Variants in EEA1 observed in about 807,000 individuals in gnomAD.
EEA1 encodes early endosome antigen 1, also known as early endosome antigen 1, 162kD.
A neutral mutation model predicts 209.2 loss-of-function variants in EEA1; 111 were observed. The observed-to-expected ratio is 0.53, with a 90% CI of 0.45 to 0.62. The LOEUF (loss-of-function observed/expected upper bound fraction) is 0.62, where lower values mean the gene tolerates loss of function less well. Among genes scored for constraint, EEA1 ranks in the 20% least tolerant of loss-of-function variants. The pLI is 0.00. For missense variants in EEA1, 1,343 were observed against 1,530.8 expected, an observed-to-expected ratio of 0.88 and a Z score of 2.05; for synonymous variants, 536 against 540.6, an observed-to-expected ratio of 0.99 and a Z score of 0.12.
rs141164854 is a variant in EEA1, at chr12:92,773,395, A to G, written c.*2616T>C. 6.6e-6 allele frequency: 1 copy of G among 152,188 alleles called. No homozygotes were observed. Among genetic ancestry groups the G allele is most frequent in the East Asian group, 1.9e-4 (1 of 5,196 alleles). 9.4% of individuals were successfully genotyped at this position (152,188 alleles called of 1,614,324 possible). Reference sequence around the variant, plus strand: ...TATTAAAGTAGATAATTCCACATTAAGAGGTAGTTGAACAAAATGTTATTT... The same window carrying G: ...TATTAAAGTAGATAATTCCACATTAGGAGGTAGTTGAACAAAATGTTATTT... On this transcript the variant is annotated 3_prime_UTR_variant, in exon 29 of 29. Transcript: ENST00000322349.
chr12:92,908,617 TA>T (rs36071627), intron 1 of EEA1, among the ~76,000 whole-genome samples: 1 of 151,584 alleles, frequency 6.6e-6, no homozygotes, highest in African/African-American at 2.4e-5. Context: ...AAAAAATTGC[TA>T]AAAAAAGAAA....
At chr12:92,900,225 C>G (rs928563912) in intron 1 of EEA1, among the ~76,000 whole-genome samples, 12 of 152,154 alleles carry the variant, frequency 7.9e-5, no homozygotes, top group African/African-American at 2.9e-4. Flanking sequence ...AGGAGATATA[C>G]TCATTTCAGA....
At chr12:92,857,379 G>T in intron 4 of EEA1, 39 bp from the exon 5 acceptor site, 1 of 1,559,312 alleles carries the variant, frequency 6.4e-7, no homozygotes, top group Non-Finnish European at 8.7e-7. Flanking sequence ...TTTAAAAAGA[G>T]GTATTATCTG....
intron 1 of EEA1, among the ~76,000 whole-genome samples, chr12:92,903,320 G>A (rs373275835): frequency 3.3e-5 from 5 of 151,824 alleles, no homozygotes; most frequent in Non-Finnish European, 5.9e-5. Context: ...GAATGCAGTC[G>A]GAAGCGGTAG....
chr12:92,799,845 G>C (rs1874823099), intron 20 of EEA1, among the ~76,000 whole-genome samples: 1 of 152,046 alleles, frequency 6.6e-6, no homozygotes, highest in Non-Finnish European at 1.5e-5. Flanking sequence ...ATTGGCCACA[G>C]TTGTCGCAAA....
intron 2 of EEA1, chr12:92,883,663 C>G (rs1879257472): frequency 1.6e-6 from 1 of 638,458 alleles, no homozygotes; most frequent in Non-Finnish European, 2.8e-6. Flanking sequence ...TTTCTTTTCT[C>G]TATCTTACTT....
chr12:92,866,159 T>C, intron 2 of EEA1, among the ~76,000 whole-genome samples: 1 of 117,078 alleles, frequency 8.5e-6, no homozygotes, highest in African/African-American at 3.4e-5. Flanking sequence ...GTCACTGTAC[T>C]CCAGCCTGGG....
At chr12:92,796,690 A>G (rs1237811871) in intron 21 of EEA1, among the ~76,000 whole-genome samples, 2 of 152,084 alleles carry the variant, frequency 1.3e-5, no homozygotes, top group South Asian at 2.1e-4. Flanking sequence ...TCCCTACTTC[A>G]CCATGGGCCA....
At chr12:92,874,768 G>A (rs948016892) in intron 2 of EEA1, among the ~76,000 whole-genome samples, 12 of 152,144 alleles carry the variant, frequency 7.9e-5, no homozygotes, top group Admixed American at 4.6e-4. Flanking sequence ...GTATTTACTT[G>A]CTGGTATTCT....
At chr12:92,853,741 T>C (rs1877738611) in intron 6 of EEA1, among the ~76,000 whole-genome samples, 174 bp downstream of exon 6, 1 of 152,196 alleles carries the variant, frequency 6.6e-6, no homozygotes, top group Admixed American at 6.5e-5. Context: ...GATTAAATTA[T>C]GAAGTTCACA....
intron 5 of EEA1, 133 bp from the exon 6 acceptor site, chr12:92,854,087 T>A (rs1041725048): frequency 3.2e-6 from 2 of 630,936 alleles, no homozygotes; most frequent in Middle Eastern, 4.6e-4. Flanking sequence ...AAAATTTAAA[T>A]TTGGTGGTTT....
At chr12:92,911,863 AAC>A (rs1247166357) in intron 1 of EEA1, among the ~76,000 whole-genome samples, 1 of 152,234 alleles carries the variant, frequency 6.6e-6, no homozygotes, top group Non-Finnish European at 1.5e-5. Flanking sequence ...ATCAAAAGAA[AAC>A]TAAGAAAACC....
chr12:92,827,855 T>C, intron 12 of EEA1, 57 bp downstream of exon 12: 2 of 1,432,738 alleles, frequency 1.4e-6, no homozygotes, highest in South Asian at 3.3e-5. Context: ...GATTGATGAA[T>C]CATAATCATG....
intron 10 of EEA1, among the ~76,000 whole-genome samples, chr12:92,840,146 TTATTA>T (rs1187285759): frequency 6.6e-6 from 1 of 152,178 alleles, no homozygotes; most frequent in African/African-American, 2.4e-5. Context: ...GACTTTTTCC[TTATTA>T]TATTTCACGA....
At chr12:92,928,808 G>C (rs964989454) in intron 1 of EEA1, among the ~76,000 whole-genome samples, 1 of 151,112 alleles carries the variant, frequency 6.6e-6, no homozygotes, top group African/African-American at 2.4e-5. Flanking sequence ...CCCCGCGCCG[G>C]AGCGGGCGCC....
intron 1 of EEA1, among the ~76,000 whole-genome samples, chr12:92,903,820 T>C (rs73364447): frequency 0.017 from 2,581 of 152,286 alleles, 33 homozygotes; most frequent in East Asian, 0.039. Context: ...ATGAGTTTTA[T>C]GTTAGGATGA....
At chr12:92,807,811 A>G (rs1875288695) in intron 18 of EEA1, among the ~76,000 whole-genome samples, 1 of 152,276 alleles carries the variant, frequency 6.6e-6, no homozygotes, top group South Asian at 2.1e-4. Flanking sequence ...TTTGTGTATT[A>G]GAAGACTCAA....
chr12:92,826,545 T>TA (rs533887217), intron 12 of EEA1, among the ~76,000 whole-genome samples: 32,513 of 144,260 alleles, frequency 0.23, 4,561 homozygotes, highest in Non-Finnish European at 0.33. Flanking sequence ...CTGTCTCTAC[T>TA]AAAAAAAAAA....
intron 2 of EEA1, among the ~76,000 whole-genome samples, chr12:92,887,639 C>T (rs760055948): frequency 6.6e-6 from 1 of 151,792 alleles, no homozygotes; most frequent in African/African-American, 2.4e-5. Flanking sequence ...TAGAGCAAGA[C>T]CTTGTCTCAA....
Sources: allele counts gnomAD v4.1 joint callset (sites outside exome capture counted in the v4.1 genomes callset), GRCh38; gene constraint gnomAD v4.1.1; transcripts MANE v1.5; gene names NCBI Gene and HGNC (gene_info 2026-07-23, HGNC 2026-07-21).